Variants in GNG7 observed in about 807,000 individuals in gnomAD.
The protein encoded by GNG7 is guanine nucleotide-binding protein G(I)/G(S)/G(O) subunit gamma-7.
Under a neutral mutation model 4.0 loss-of-function variants are expected in GNG7, and 1 was observed. The observed-to-expected ratio is 0.25, with a 90% CI of 0.09 to 1.18. The LOEUF (loss-of-function observed/expected upper bound fraction) is 1.18. Ranked by LOEUF, GNG7 falls within the 50% of genes most tolerant of loss-of-function variation. The pLI is 0.50. For synonymous variants in GNG7, 34 were observed against 36.9 expected (o/e 0.92, Z 0.29); for missense variants, 86 against 91.9 (o/e 0.94, Z 0.26).
chr19:2,540,217 C>A (rs1978913707), intron 3 of GNG7, among the ~76,000 whole-genome samples: 1 of 151,842 alleles, frequency 6.6e-6, no homozygotes, highest in Non-Finnish European at 1.5e-5. Context: ...GTAGTGTGAT[C>A]CCACCTCACT....
At chr19:2,631,512 G>C (rs1210424361) in intron 2 of GNG7, among the ~76,000 whole-genome samples, 2 of 152,144 alleles carry the variant, frequency 1.3e-5, no homozygotes, top group Non-Finnish European at 2.9e-5. Context: ...GTCTGTGGCC[G>C]TGTGCCAATA....
Position 2,553,453 on chromosome 19 carries a change from A to AATATATTATGTTATATATTATATACT in GNG7, c.-38+1670_-38+1695dup, listed in dbSNP as rs1979406357. On this transcript the variant is annotated intron_variant, in intron 3 of 4. Coordinates refer to ENST00000382159, the MANE Select transcript of GNG7 (RefSeq NM_052847.3). ...AATATATATGTTATATATTATATGC[A>AATATATTATGTTATATATTATATACT]ATATATTATGTTATATATTATATAC... Among the ~76,000 whole-genome samples the AATATATTATGTTATATATTATATACT allele has an allele frequency of 4.1e-5, 6 of 147,700 alleles. No individual in the cohort carries two copies. The South Asian group carries it at 1.3e-3, about 31-fold the overall frequency.
intron 1 of GNG7, among the ~76,000 whole-genome samples, chr19:2,678,614 C>A (rs918714008): frequency 6.6e-6 from 1 of 151,944 alleles, no homozygotes; most frequent in Non-Finnish European, 1.5e-5. Flanking sequence ...TCAGTTTCCC[C>A]ATCCACAACA....
chr19:2,595,734 C>CAAA (rs778284283), intron 2 of GNG7, among the ~76,000 whole-genome samples: 2 of 91,750 alleles, frequency 2.2e-5, no homozygotes, highest in East Asian at 2.9e-4. Flanking sequence ...GACTCTGTCT[C>CAAA]AAAAAAAAAA....
intron 1 of GNG7, among the ~76,000 whole-genome samples, chr19:2,673,264 AAAACAAAACAAAACAAAACAAAAC>A (rs1351778727): frequency 7.0e-6 from 1 of 143,710 alleles, no homozygotes; most frequent in East Asian, 2.0e-4. Context: ...TCTCAAAAAA[AAAACAAAACAAAACAAAACAAAAC>A]AAAAAAAAAC....
At position 2,701,572 on chromosome 19, in the gene GNG7, C is replaced by A. The variant is rs549590744; in HGVS notation, c.-135+1074G>T. Among the ~76,000 whole-genome samples, 870 of 151,378 alleles carry A rather than the reference C, an allele frequency of 5.7e-3. 7 individuals carry two copies. Among genetic ancestry groups the A allele is most frequent in the African/African-American group, 0.02 (810 of 41,128 alleles). On this transcript the variant is annotated intron_variant, in intron 1 of 4. Transcript: ENST00000382159. ...GTCCTTCTGCCCCTTTTCAGCTAAC[C>A]CTAACCCCTGGGCCGTCAATCACAC...
At chr19:2,615,968 C>T (rs2144827663) in intron 2 of GNG7, among the ~76,000 whole-genome samples, 2 of 152,324 alleles carry the variant, frequency 1.3e-5, no homozygotes, top group African/African-American at 4.8e-5. Flanking sequence ...TACGGGCCAC[C>T]CCAGGATCTG....
At chr19:2,619,409 G>A (rs192666977) in intron 2 of GNG7, among the ~76,000 whole-genome samples, 20 of 152,344 alleles carry the variant, frequency 1.3e-4, no homozygotes, top group African/African-American at 4.6e-4. Flanking sequence ...CTGGATCTCT[G>A]CAGAAAAGTT....
chr19:2,598,036 A>C (rs1429408321), intron 2 of GNG7, among the ~76,000 whole-genome samples: 1 of 152,172 alleles, frequency 6.6e-6, no homozygotes, highest in Admixed American at 6.6e-5. Flanking sequence ...TTCAGTGGTT[A>C]GACGACAATG....
Position 2,535,414 on chromosome 19 carries a change from C to T in GNG7, c.-37-14689G>A, listed in dbSNP as rs149073153. ...ACTCAGGAGGCTGAGGTGGGAGAAT[C>T]GCTTGAGCCCAGGAAGTGGAGGTTG... On this transcript the variant is annotated intron_variant, in intron 3 of 4. Transcript: ENST00000382159. Among the ~76,000 whole-genome samples the T allele has an allele frequency of 1.0e-2, 1,510 of 151,256 alleles. 21 individuals carry two copies. Among genetic ancestry groups the T allele is most frequent in the African/African-American group, 0.034 (1,409 of 41,178 alleles).
intron 1 of GNG7, among the ~76,000 whole-genome samples, chr19:2,657,674 A>G (rs2144874498): frequency 6.6e-6 from 1 of 152,010 alleles, no homozygotes; most frequent in Non-Finnish European, 1.5e-5. Context: ...CAACATAGCA[A>G]GACACCATCT....
Position 2,525,935 on chromosome 19 carries a change from G to A in GNG7, c.-37-5210C>T, listed in dbSNP as rs544598757. Among the ~76,000 whole-genome samples, 546 of 145,148 alleles carry A rather than the reference G, an allele frequency of 3.8e-3. 1 individual carries two copies. The highest frequency in any genetic ancestry group is 0.013 in the African/African-American group (509 of 38,978). On this transcript the variant is annotated intron_variant, in intron 3 of 4. Transcript: ENST00000382159. ...AGCGATTCTCTTGCCTCAGCCTCCC[G>A]AGTGGCTGGGATTACAGGTGCCTGC...
chr19:2,553,637 T>C (rs7257545), intron 3 of GNG7, among the ~76,000 whole-genome samples: 46,308 of 106,042 alleles, frequency 0.44, 7,577 homozygotes, highest in South Asian at 0.52. Flanking sequence ...ACGTTACATG[T>C]AATATGTTAT....
rs1316147287 is a variant in GNG7, at chr19:2,626,510, C to T, written c.-78+19714G>A. The stretch of plus-strand genomic sequence containing the variant: ...TCCCTCCCTCTCACCTTTTCAAGGT[C>T]CTGGAACCATCTCTGCACCTGTATC... On this transcript the variant is annotated intron_variant, in intron 2 of 4. Coordinates refer to ENST00000382159, the MANE Select transcript of GNG7 (RefSeq NM_052847.3). The surrounding 1 kb of genome is among the most constrained non-coding windows in gnomAD (Gnocchi z 5.0). Among the ~76,000 whole-genome samples the T allele has an allele frequency of 6.6e-6, 1 of 152,168 alleles. No individual in the cohort carries two copies. Among genetic ancestry groups the T allele is most frequent in the Non-Finnish European group, 1.5e-5 (1 of 68,028 alleles).
chr19:2,651,311 ATCCC>A (rs1315819817), intron 1 of GNG7, among the ~76,000 whole-genome samples: 33 of 13,904 alleles, frequency 2.4e-3, no homozygotes, highest in South Asian at 0.014. Flanking sequence ...CCTTCCCTCC[ATCCC>A]TCCCTCCCTC....
intron 2 of GNG7, among the ~76,000 whole-genome samples, chr19:2,604,908 CGTT>C (rs1212786087): frequency 6.6e-6 from 1 of 152,190 alleles, no homozygotes; most frequent in Non-Finnish European, 1.5e-5. Context: ...TAGATTCTGT[CGTT>C]GGAGTCCAAG....
At chr19:2,517,152 G>T (rs1341539089) in intron 4 of GNG7, 2 of 152,228 alleles carry the variant, frequency 1.3e-5, no homozygotes, top group African/African-American at 2.4e-5. Context: ...ATCCGAGAAG[G>T]ATCGCAGTGT....
intron 3 of GNG7, chr19:2,538,612 C>T (rs1978830127): frequency 2.4e-6 from 1 of 417,468 alleles, no homozygotes; most frequent in Non-Finnish European, 4.7e-6. Flanking sequence ...GCCTGGGCAA[C>T]AGAGCAAGAC....
At position 2,661,287 on chromosome 19, in the gene GNG7, A is replaced by G. The variant is rs1269495701; in HGVS notation, c.-134-15007T>C. Among the ~76,000 whole-genome samples the G allele has an allele frequency of 9.2e-3, 467 of 50,576 alleles. 10 individuals carry two copies. The highest frequency in any genetic ancestry group is 0.012 in the Non-Finnish European group (336 of 27,330). The allele number at this position is 50,576 out of a possible 152,430, so 33.2% of individuals were successfully genotyped here. A position where few individuals can be genotyped will look rare whatever the true frequency, so the allele number is the denominator to read the frequency against. ...AAAGAAAGAAAAGAAAGAAAGAAAGAAAGAAAGAAAGAAAGAGAAAGAAAG... is the reference window on the plus strand; with the variant it reads ...AAAGAAAGAAAAGAAAGAAAGAAAGGAAGAAAGAAAGAAAGAGAAAGAAAG... On this transcript the variant is annotated intron_variant, in intron 1 of 4. Coordinates refer to ENST00000382159, the MANE Select transcript of GNG7 (RefSeq NM_052847.3).
Sources: gnomAD v4.1 joint callset for allele counts (sites outside exome capture counted in the v4.1 genomes callset) on GRCh38, gnomAD v4.1.1 for gene constraint, Gnocchi (gnomAD v3.1) non-coding constraint, MANE v1.5 for transcripts, NCBI Gene and HGNC (gene_info 2026-07-23, HGNC 2026-07-21) for gene names.